SGIP1: variants seen among roughly 807,000 people sequenced by gnomAD.
SGIP1 encodes SH3GL interacting endocytic adaptor 1.
SGIP1 carries 38 observed loss-of-function variants against 107.5 expected under a neutral mutation model. That is an observed-to-expected ratio of 0.35 (90% confidence interval 0.27 to 0.46). SGIP1 has a LOEUF of 0.46. SGIP1 is among the 20% of genes least tolerant of loss of function. The pLI, the probability that SGIP1 is intolerant of heterozygous loss-of-function variation, is 1.00. For missense variants in SGIP1, 929 were observed against 1,019.5 expected (o/e 0.91, Z 1.21); for synonymous variants, 365 against 366.1 (o/e 1.00, Z 0.03).
chr1:66,657,616 G>A (rs1288315264), intron 7 of SGIP1, among the ~76,000 whole-genome samples: 1 of 152,096 alleles, frequency 6.6e-6, no homozygotes, highest in Non-Finnish European at 1.5e-5. Context: ...CAGCTGCAGA[G>A]GATAAGGGTC....
intron 17 of SGIP1, chr1:66,695,059 A>T (rs988438400): frequency 5.3e-5 from 20 of 376,674 alleles, no homozygotes; most frequent in South Asian, 3.2e-4. Flanking sequence ...AGGGGATGAC[A>T]TTGAAGATGA....
intron 1 of SGIP1, among the ~76,000 whole-genome samples, chr1:66,581,437 T>G (rs922154778): frequency 1.3e-5 from 2 of 152,004 alleles, no homozygotes; most frequent in African/African-American, 2.4e-5. Context: ...TAGTAGGAGC[T>G]CAATCTTAGC....
intron 18 of SGIP1, among the ~76,000 whole-genome samples, chr1:66,713,647 C>T (rs1329248832): frequency 6.6e-6 from 1 of 151,954 alleles, no homozygotes; most frequent in Non-Finnish European, 1.5e-5. Context: ...CCCTTTTATA[C>T]AATAAACTCC....
intron 2 of SGIP1, among the ~76,000 whole-genome samples, chr1:66,631,024 A>AAAGG (rs2074446514): frequency 1.5e-5 from 2 of 135,104 alleles, no homozygotes; most frequent in African/African-American, 5.6e-5. Flanking sequence ...AAGGGAAAGG[A>AAAGG]AAGGAAGGAA....
At chr1:66,604,671 T>A (rs148588214) in intron 1 of SGIP1, among the ~76,000 whole-genome samples, 32 of 152,318 alleles carry the variant, frequency 2.1e-4, no homozygotes, top group Middle Eastern at 3.4e-3. Flanking sequence ...ATGTAATGAA[T>A]ATCCAATTCA....
chr1:66,667,233 T>C (rs983907970), intron 8 of SGIP1, among the ~76,000 whole-genome samples: 2 of 152,078 alleles, frequency 1.3e-5, no homozygotes, highest in East Asian at 1.9e-4. Flanking sequence ...TTAAACATTG[T>C]CAGTAAAGTT....
At chr1:66,709,159 C>A (rs1035679553) in intron 18 of SGIP1, among the ~76,000 whole-genome samples, 1 of 152,034 alleles carries the variant, frequency 6.6e-6, no homozygotes, top group Admixed American at 6.6e-5. Flanking sequence ...TTAGGTATTT[C>A]TTGTAATGTT....
At chr1:66,552,016 A>T (rs2057487927) in intron 1 of SGIP1, among the ~76,000 whole-genome samples, 1 of 152,132 alleles carries the variant, frequency 6.6e-6, no homozygotes. Context: ...AGTAGTCTTA[A>T]TCCCATTTGA....
intron 11 of SGIP1, 127 bp downstream of exon 11, chr1:66,672,122 A>T: frequency 1.3e-6 from 1 of 796,562 alleles, no homozygotes; most frequent in South Asian, 1.6e-5. Flanking sequence ...ATGTCAGTCC[A>T]TATGTCCACA....
intron 16 of SGIP1, among the ~76,000 whole-genome samples, 196 bp from the exon 17 acceptor site, chr1:66,689,994 T>A (rs1278659775): frequency 2.0e-5 from 3 of 152,222 alleles, no homozygotes; most frequent in Non-Finnish European, 4.4e-5. Context: ...AGCTTTAGCA[T>A]GTTATGGTTT....
intron 2 of SGIP1, among the ~76,000 whole-genome samples, chr1:66,630,857 A>AGAGAGAG (rs1558133403): frequency 2.8e-5 from 1 of 35,088 alleles, no homozygotes; most frequent in African/African-American, 1.5e-4. Context: ...GAAAGAAAGA[A>AGAGAGAG]AGAAAGAAAG....
chr1:66,539,064 A>C (rs1262341146), intron 1 of SGIP1, among the ~76,000 whole-genome samples: 1 of 152,210 alleles, frequency 6.6e-6, no homozygotes, highest in Non-Finnish European at 1.5e-5. Flanking sequence ...TTAAATTATG[A>C]GTAAAGTCAT....
intron 1 of SGIP1, among the ~76,000 whole-genome samples, chr1:66,545,613 A>G (rs2056192020): frequency 6.7e-6 from 1 of 150,286 alleles, no homozygotes; most frequent in African/African-American, 2.4e-5. Context: ...CTCCAGAGAG[A>G]CAGAACTGAA....
chr1:66,630,824 A>G lies in SGIP1; in HGVS notation c.75-2246A>G, dbSNP rs959876977. ...TCCGGAAAGAAAGAAAGAAAGAAAG[A>G]AAGAAAGAAAGAAAGAAAGAAAGAA... is the stretch of plus-strand genomic sequence containing the variant. On this transcript the variant is annotated intron_variant, in intron 2 of 24. Transcript: ENST00000371037. 3.4e-3 allele frequency among the ~76,000 whole-genome samples: 19 copies of G among 5,616 alleles called. No individual in the cohort carries two copies. In the Admixed American group the frequency reaches 0.037, roughly 11 times the overall value. The allele number at this position is 5,616 out of a possible 152,430, so 3.7% of individuals were successfully genotyped here.
At chr1:66,678,549 T>C (rs1277043041) in intron 13 of SGIP1, among the ~76,000 whole-genome samples, 2 of 152,214 alleles carry the variant, frequency 1.3e-5, no homozygotes, top group Non-Finnish European at 2.9e-5. Context: ...GAGCCCCTGA[T>C]TGACTCTTAA....
intron 1 of SGIP1, among the ~76,000 whole-genome samples, chr1:66,604,248 T>G (rs1193588677): frequency 6.6e-6 from 1 of 152,164 alleles, no homozygotes; most frequent in Non-Finnish European, 1.5e-5. Flanking sequence ...TTGGGTTTAT[T>G]ACCAGAGTTC....
chr1:66,640,394 C>G (rs4655647), intron 5 of SGIP1, among the ~76,000 whole-genome samples: 102,429 of 152,100 alleles, frequency 0.67, 35,721 homozygotes, highest in East Asian at 1. Context: ...TAGAAGCTTT[C>G]AGAATAGAGG....
intron 7 of SGIP1, chr1:66,659,982 GAAA>G (rs2080680238): frequency 3.8e-5 from 3 of 79,156 alleles, no homozygotes; most frequent in Non-Finnish European, 6.0e-5. Context: ...AAGAAAGAAA[GAAA>G]GAAAGAAAGA....
At chr1:66,702,441 T>C (rs1369610082) in intron 18 of SGIP1, among the ~76,000 whole-genome samples, 1 of 152,184 alleles carries the variant, frequency 6.6e-6, no homozygotes, top group Non-Finnish European at 1.5e-5. Flanking sequence ...ATGGAAAGCA[T>C]AATACCCACC....
Sources: allele counts gnomAD v4.1 joint callset (sites outside exome capture counted in the v4.1 genomes callset), GRCh38; gene constraint gnomAD v4.1.1; transcripts MANE v1.5; gene names NCBI Gene and HGNC (gene_info 2026-07-23, HGNC 2026-07-21).